Variants in ASH1L observed in about 807,000 individuals in gnomAD.
ASH1L encodes the protein ASH1 like histone lysine methyltransferase, also known as histone-lysine N-methyltransferase ASH1L.
A neutral mutation model predicts 269.0 loss-of-function variants in ASH1L; 23 were observed. That is an observed-to-expected ratio of 0.09 (90% CI 0.06 to 0.12). The LOEUF is 0.12. ASH1L is among the 10% of genes least tolerant of loss of function. ASH1L has a pLI of 1.00. For missense variants in ASH1L, 2,912 were observed against 3,567.8 expected, an observed-to-expected ratio of 0.82 and a Z score of 4.68; for synonymous variants, 1,187 against 1,253.5, an observed-to-expected ratio of 0.95 and a Z score of 1.12.
chr1:155,555,992 T>C (rs1558222757), intron 1 of ASH1L, among the ~76,000 whole-genome samples: 1 of 152,214 alleles, frequency 6.6e-6, no homozygotes, highest in African/African-American at 2.4e-5. Context: ...AACAGTGTGT[T>C]AACTGTGTTG....
chr1:155,472,430 G>T (rs953770252), intron 3 of ASH1L, among the ~76,000 whole-genome samples: 2 of 152,146 alleles, frequency 1.3e-5, no homozygotes, highest in Non-Finnish European at 2.9e-5. Flanking sequence ...CCCAACTTCT[G>T]TAACTGTCCT....
intron 3 of ASH1L, among the ~76,000 whole-genome samples, chr1:155,472,880 A>G (rs1345026623): frequency 6.6e-6 from 1 of 152,208 alleles, no homozygotes; most frequent in African/African-American, 2.4e-5. Flanking sequence ...TTTTTTAAGC[A>G]CTACTTTAAA....
At chr1:155,504,861 A>C (rs1423237573) in intron 2 of ASH1L, among the ~76,000 whole-genome samples, 1 of 151,926 alleles carries the variant, frequency 6.6e-6, no homozygotes, top group African/African-American at 2.4e-5. Context: ...TCTCAAAAAA[A>C]AAAAAAAAAA....
chr1:155,378,058 A>G (rs1293460922), intron 10 of ASH1L, among the ~76,000 whole-genome samples: 1 of 152,042 alleles, frequency 6.6e-6, no homozygotes, highest in East Asian at 1.9e-4. Flanking sequence ...CAAAAAAAAC[A>G]AACAAAAAAA....
At chr1:155,514,672 C>T (rs979016260) in intron 2 of ASH1L, among the ~76,000 whole-genome samples, 7 of 152,028 alleles carry the variant, frequency 4.6e-5, no homozygotes, top group Non-Finnish European at 8.8e-5. Context: ...ACATCAACAA[C>T]GCATTTGGCC....
intron 6 of ASH1L, among the ~76,000 whole-genome samples, chr1:155,409,047 C>T (rs767077537): frequency 1.3e-5 from 2 of 151,436 alleles, no homozygotes; most frequent in South Asian, 2.1e-4. Flanking sequence ...TTTTTTGAGA[C>T]GGAGTCTTGC....
In ASH1L at chr1:155,562,415, T is replaced by TGGCGGCGGGAGCGGCGGC. The variant is rs1558229537; in HGVS notation, c.-380_-363dup. 11 of 1,487,528 alleles carry TGGCGGCGGGAGCGGCGGC rather than the reference T, an allele frequency of 7.4e-6. No individual in the cohort carries two copies. The highest frequency in any genetic ancestry group is 9.1e-6 in the Non-Finnish European group (10 of 1,096,266). The allele number at this position is 1,487,528 out of a possible 1,614,324, so 92.1% of individuals were successfully genotyped here. ...TCCCCTCCGCAAAGCGAACCCAAAA[T>TGGCGGCGGGAGCGGCGGC]GGCGGCGGGAGCGGCGGCGGCGGCG... On this transcript the variant is annotated 5_prime_UTR_variant, in exon 1 of 28. Coordinates refer to ENST00000392403, the MANE Select transcript of ASH1L (RefSeq NM_018489.3).
chr1:155,360,276 T>C, intron 13 of ASH1L, 25 bp downstream of exon 13: 1 of 1,452,456 alleles, frequency 6.9e-7, no homozygotes, highest in East Asian at 2.3e-5. Flanking sequence ...AAGTTCAATC[T>C]CCCTCTAGGA....
chr1:155,429,884 C>T (rs543362828), intron 5 of ASH1L, among the ~76,000 whole-genome samples: 6 of 152,248 alleles, frequency 3.9e-5, no homozygotes, highest in African/African-American at 9.6e-5. Flanking sequence ...ACTGTAGCCT[C>T]GACCTCCTGG....
chr1:155,378,022 C>CA (rs535973116), intron 10 of ASH1L, among the ~76,000 whole-genome samples: 146 of 113,920 alleles, frequency 1.3e-3, no homozygotes, highest in Middle Eastern at 9.4e-3. Context: ...GACTCCGTCT[C>CA]AAAAAAAAAA....
intron 4 of ASH1L, among the ~76,000 whole-genome samples, chr1:155,454,908 T>C (rs1663770091): frequency 6.6e-6 from 1 of 152,216 alleles, no homozygotes; most frequent in African/African-American, 2.4e-5. Context: ...AAAATAGTAG[T>C]TGAATTTGGT....
rs779898993 is a variant in ASH1L, at chr1:155,438,314, A to C, written c.5828+13T>G. The C allele has an allele frequency of 1.3e-6, 2 of 1,530,526 alleles. No individual in the cohort carries two copies. The highest frequency in any genetic ancestry group is 2.8e-5 in the African/African-American group (2 of 72,086). The allele number at this position is 1,530,526 out of a possible 1,614,324, so 94.8% of individuals were successfully genotyped here. A position where few individuals can be genotyped will look rare whatever the true frequency, so the allele number is the denominator to read the frequency against. Reference sequence around the variant, plus strand: ...TTTCCTCTACTCAGATAATATGTTAAATGAGGAATTACCTTTTATTATTCT... The same window carrying C: ...TTTCCTCTACTCAGATAATATGTTACATGAGGAATTACCTTTTATTATTCT... On this transcript the variant is annotated intron_variant, in intron 5 of 27. Coordinates refer to ENST00000392403, the MANE Select transcript of ASH1L (RefSeq NM_018489.3).
At chr1:155,551,234 T>C (rs961368799) in intron 1 of ASH1L, among the ~76,000 whole-genome samples, 3 of 151,006 alleles carry the variant, frequency 2.0e-5, no homozygotes, top group African/African-American at 5.0e-5. Flanking sequence ...AACTATCCAA[T>C]GGAATGCCTG....
chr1:155,523,183 T>A (rs1289193302), intron 1 of ASH1L, among the ~76,000 whole-genome samples: 3 of 152,264 alleles, frequency 2.0e-5, no homozygotes, highest in East Asian at 1.9e-4. Flanking sequence ...GCCCTGAGAC[T>A]TTTCATTACA....
In ASH1L at chr1:155,550,613, G is replaced by A. The variant is rs115296511; in HGVS notation, c.-100+11540C>T. On this transcript the variant is annotated intron_variant, in intron 1 of 27. Transcript: ENST00000392403. ...GCACTGGGTCCTTCATATAATTCAG[G>A]TATCTCCTGAAATATTAGTGCCTCA... Among the ~76,000 whole-genome samples the A allele has an allele frequency of 2.5e-3, 387 of 152,180 alleles. 2 individuals carry two copies. Among genetic ancestry groups the A allele is most frequent in the African/African-American group, 8.9e-3 (368 of 41,500 alleles).
intron 5 of ASH1L, among the ~76,000 whole-genome samples, chr1:155,420,235 G>A (rs1400788582): frequency 6.6e-6 from 1 of 151,486 alleles, no homozygotes; most frequent in Non-Finnish European, 1.5e-5. Flanking sequence ...TGAGGCAGGA[G>A]AATCGCTTGA....
At chr1:155,341,569 C>T (rs951826038) in intron 25 of ASH1L, among the ~76,000 whole-genome samples, 1 of 151,910 alleles carries the variant, frequency 6.6e-6, no homozygotes, top group African/African-American at 2.4e-5. Flanking sequence ...TCTTCTTTTA[C>T]GGGTGTGTTC....
intron 10 of ASH1L, among the ~76,000 whole-genome samples, chr1:155,371,805 T>C (rs1054460148): frequency 2.0e-5 from 3 of 151,396 alleles, no homozygotes; most frequent in Non-Finnish European, 2.9e-5. Flanking sequence ...GAGATTCTCC[T>C]GCCTCAGCCT....
intron 19 of ASH1L, among the ~76,000 whole-genome samples, chr1:155,348,619 C>T (rs575946011): frequency 5.1e-4 from 78 of 152,182 alleles, no homozygotes; most frequent in Non-Finnish European, 8.7e-4. Flanking sequence ...CCGTGGCTCA[C>T]GCCTGTAATC....
Sources: allele counts gnomAD v4.1 joint callset (sites outside exome capture counted in the v4.1 genomes callset), GRCh38; gene constraint gnomAD v4.1.1; transcripts MANE v1.5; gene names NCBI Gene and HGNC (gene_info 2026-07-23, HGNC 2026-07-21).